Variants in GTF3C1 observed in about 807,000 individuals in gnomAD.
GTF3C1 encodes general transcription factor IIIC subunit 1.
In GTF3C1, 57 loss-of-function variants were observed where a neutral mutation model predicts 226.7. That is an observed-to-expected ratio of 0.25 (90% CI 0.20 to 0.31). The LOEUF (loss-of-function observed/expected upper bound fraction) is 0.31. Among genes scored for constraint, GTF3C1 ranks in the 10% least tolerant of loss-of-function variants. The pLI is 1.00. For synonymous variants in GTF3C1, 1,090 were observed against 1,084.8 expected, an observed-to-expected ratio of 1.00 and a Z score of -0.09; for missense variants, 2,217 against 2,776.1, an observed-to-expected ratio of 0.80 and a Z score of 4.53.
chr16:27,507,181 C>T lies in GTF3C1; in HGVS notation c.1243-25G>A. On this transcript the variant is annotated intron_variant, in intron 8 of 36. Transcript: ENST00000356183. The surrounding 1 kb of genome is among the most constrained non-coding windows in gnomAD (Gnocchi z 4.9). ...CCTAGAGGGAATAAGATGTGTTTAT[C>T]CCACTGCAAAGAGGGCGTCATACCC... is the stretch of plus-strand genomic sequence containing the variant. The T allele has an allele frequency of 6.4e-7, 1 of 1,551,330 alleles. No individual in the cohort carries two copies. The highest frequency in any genetic ancestry group is 1.8e-5 in the Admixed American group (1 of 56,292).
chr16:27,470,402 A>G lies in GTF3C1; in HGVS notation c.4527-7T>C. 3 of 1,611,202 alleles carry G rather than the reference A, an allele frequency of 1.9e-6. No homozygotes were observed. Among genetic ancestry groups the G allele is most frequent in the Non-Finnish European group, 2.5e-6 (3 of 1,178,346 alleles). ...AAATCGCCACGTAAAAATCCTACAG[A>G]CAAAAAGAAAGGAAGGGCCTGACTG... On this transcript the variant is annotated splice_region_variant and splice_polypyrimidine_tract_variant and intron_variant, in intron 30 of 36. Coordinates refer to ENST00000356183, the MANE Select transcript of GTF3C1 (RefSeq NM_001520.4). The surrounding 1 kb of genome is among the most constrained non-coding windows in gnomAD (Gnocchi z 4.9).
In GTF3C1 at chr16:27,478,547, A is replaced by G. The variant is rs2087989336; in HGVS notation, c.4197-16T>C. 2 of 1,594,016 alleles carry G rather than the reference A, an allele frequency of 1.3e-6. No homozygotes were observed. The highest frequency in any genetic ancestry group is 1.7e-6 in the Non-Finnish European group (2 of 1,161,544). On this transcript the variant is annotated splice_polypyrimidine_tract_variant and intron_variant, in intron 27 of 36. Transcript: ENST00000356183. ...AACTCGGTACCTGCAAAAGAAACATAACAGCATGTCAGTGAAACAAAACAG... is the reference window on the plus strand; with the variant it reads ...AACTCGGTACCTGCAAAAGAAACATGACAGCATGTCAGTGAAACAAAACAG...
chr16:27,470,674 C>G lies in GTF3C1; in HGVS notation c.4527-279G>C, dbSNP rs2087854411. 2.3e-6 allele frequency: 1 copy of G among 442,356 alleles called. No homozygotes were observed. The highest frequency in any genetic ancestry group is 2.4e-5 in the South Asian group (1 of 42,074). The allele number at this position is 442,356 out of a possible 1,614,324, so 27.4% of individuals were successfully genotyped here. On this transcript the variant is annotated intron_variant, in intron 30 of 36. Transcript: ENST00000356183. This position sits in a 1 kb window ranked among gnomAD's most constrained non-coding sequence, Gnocchi z 4.9. ...ACCTGGCGCTCCAGGAGGGCGCTGGCAGGCTCACCTTACAGGGGCTCACTG... is the reference window on the plus strand; with the variant it reads ...ACCTGGCGCTCCAGGAGGGCGCTGGGAGGCTCACCTTACAGGGGCTCACTG...
In GTF3C1 at chr16:27,470,113, G is replaced by A; in HGVS notation, c.4809C>T (p.Ile1603=). 3.1e-6 allele frequency: 5 copies of A among 1,612,142 alleles called. No homozygotes were observed. Among genetic ancestry groups the A allele is most frequent in the Non-Finnish European group, 4.2e-6 (5 of 1,178,686 alleles). Residue 1603 remains isoleucine (I), a synonymous_variant, in exon 31 of 37, where the codon ATC becomes ATT. Coordinates refer to ENST00000356183, the MANE Select transcript of GTF3C1 (RefSeq NM_001520.4). This position sits in a 1 kb window ranked among gnomAD's most constrained non-coding sequence, Gnocchi z 4.9. Reference sequence around the variant, plus strand: ...TGCGGATGCCGGACTCTTACCTTTTGATGACCTCATTCTCCACCATTGAGC... The same window carrying A: ...TGCGGATGCCGGACTCTTACCTTTTAATGACCTCATTCTCCACCATTGAGC... ...VDSSMVENEV[I]KSLGKDGSLE... is the part of the protein sequence containing the mutation.
intron 13 of GTF3C1, 23 bp from the exon 14 acceptor site, chr16:27,497,844 A>G: frequency 6.3e-7 from 1 of 1,583,550 alleles, no homozygotes; most frequent in Non-Finnish European, 8.6e-7. Context: ...TAAACATGCA[A>G]TAATGTACTG....
rs1422990845 is a variant in GTF3C1, at chr16:27,463,074, TGGG to T, written c.5924+464_5924+466del. On this transcript the variant is annotated intron_variant, in intron 35 of 36. Transcript: ENST00000356183. This position sits in a 1 kb window ranked among gnomAD's most constrained non-coding sequence, Gnocchi z 4.9. The stretch of plus-strand genomic sequence containing the variant: ...ACAGGGCACTTGGGCCCTGCCAATC[TGGG>T]GTCAGCACACACACTCATGGGAGGC... 5.7e-6 allele frequency: 1 copy of T among 175,060 alleles called. No individual in the cohort carries two copies. Among genetic ancestry groups the T allele is most frequent in the Non-Finnish European group, 1.2e-5 (1 of 83,516 alleles). 10.8% of individuals were successfully genotyped at this position (175,060 alleles called of 1,614,324 possible). A position where few individuals can be genotyped will look rare whatever the true frequency, so the allele number is the denominator to read the frequency against.
chr16:27,508,455 G>A (rs2141405751), intron 8 of GTF3C1, 85 bp downstream of exon 8: 3 of 1,054,872 alleles, frequency 2.8e-6, no homozygotes, highest in East Asian at 4.8e-5. Flanking sequence ...AGGCCATCGA[G>A]TCTTCTGACT....
Position 27,525,635 on chromosome 16 carries a change from C to T in GTF3C1, c.973+2963G>A, listed in dbSNP as rs1036791494. On this transcript the variant is annotated intron_variant, in intron 6 of 36. Coordinates refer to ENST00000356183, the MANE Select transcript of GTF3C1 (RefSeq NM_001520.4). ...TCCCTAGATGGGCAGTTCACAGTCTCTTGACAAATACGCCTGCCTACCTTC... is the reference window on the plus strand; with the variant it reads ...TCCCTAGATGGGCAGTTCACAGTCTTTTGACAAATACGCCTGCCTACCTTC... Among the ~76,000 whole-genome samples, 5 of 152,318 alleles carry T rather than the reference C, an allele frequency of 3.3e-5. 1 individual carries two copies. In the East Asian group the frequency reaches 7.7e-4, roughly 24 times the overall value.
chr16:27,470,469 C>A lies in GTF3C1; in HGVS notation c.4527-74G>T. ...AGCCTTCATTTGGATGGACTATGAG[C>A]ACGTCAAACCATTATGGTGAGAACT... On this transcript the variant is annotated intron_variant, in intron 30 of 36. Coordinates refer to ENST00000356183, the MANE Select transcript of GTF3C1 (RefSeq NM_001520.4). This position sits in a 1 kb window ranked among gnomAD's most constrained non-coding sequence, Gnocchi z 4.9. The A allele has an allele frequency of 8.6e-7, 1 of 1,165,676 alleles. No individual in the cohort carries two copies. The highest frequency in any genetic ancestry group is 1.3e-6 in the Non-Finnish European group (1 of 799,290). The allele number at this position is 1,165,676 out of a possible 1,614,324, so 72.2% of individuals were successfully genotyped here.
In GTF3C1 at chr16:27,507,167, T is replaced by C; in HGVS notation, c.1243-11A>G. 6.3e-7 allele frequency: 1 copy of C among 1,586,904 alleles called. No homozygotes were observed. Among genetic ancestry groups the C allele is most frequent in the South Asian group, 1.1e-5 (1 of 89,214 alleles). On this transcript the variant is annotated splice_polypyrimidine_tract_variant and intron_variant, in intron 8 of 36. Coordinates refer to ENST00000356183, the MANE Select transcript of GTF3C1 (RefSeq NM_001520.4). This position sits in a 1 kb window ranked among gnomAD's most constrained non-coding sequence, Gnocchi z 4.9. The stretch of plus-strand genomic sequence containing the variant: ...GTCTTCCATGAATCCCTAGAGGGAA[T>C]AAGATGTGTTTATCCCACTGCAAAG...
intron 6 of GTF3C1, among the ~76,000 whole-genome samples, chr16:27,514,687 T>G (rs1693343117): frequency 6.6e-6 from 1 of 152,214 alleles, no homozygotes; most frequent in South Asian, 2.1e-4. Flanking sequence ...CCCTATGAAC[T>G]GACCCTCACC....
Position 27,463,646 on chromosome 16 carries a change from C to G in GTF3C1, c.5873-54G>C, listed in dbSNP as rs2087738153. On this transcript the variant is annotated intron_variant, in intron 34 of 36. Transcript: ENST00000356183. The surrounding 1 kb of genome is among the most constrained non-coding windows in gnomAD (Gnocchi z 4.9). ...ACTCGGAAAGTCAGGGAAGCCATCTCTGCCCTCCAACCTTCAGCATGGTAC... is the reference window on the plus strand; with the variant it reads ...ACTCGGAAAGTCAGGGAAGCCATCTGTGCCCTCCAACCTTCAGCATGGTAC... 1 of 1,011,130 alleles carries G rather than the reference C, an allele frequency of 9.9e-7. No homozygotes were observed. Among genetic ancestry groups the G allele is most frequent in the African/African-American group, 1.6e-5 (1 of 63,788 alleles). The allele number at this position is 1,011,130 out of a possible 1,614,324, so 62.6% of individuals were successfully genotyped here.
chr16:27,464,961 G>A (rs569776788), intron 33 of GTF3C1, 125 bp from the exon 34 acceptor site: 8 of 802,568 alleles, frequency 1.0e-5, no homozygotes, highest in South Asian at 5.6e-5. Flanking sequence ...CCAGGCCCAC[G>A]AGGCAGGCCT....
intron 1 of GTF3C1, among the ~76,000 whole-genome samples, chr16:27,547,867 C>T (rs896327702): frequency 1.3e-5 from 2 of 151,982 alleles, no homozygotes; most frequent in East Asian, 1.9e-4. Flanking sequence ...TCAAGTTATC[C>T]GCCCACCTCT....
intron 26 of GTF3C1, 90 bp from the exon 27 acceptor site, chr16:27,481,281 C>T: frequency 4.5e-6 from 5 of 1,099,232 alleles, no homozygotes; most frequent in Non-Finnish European, 6.9e-6. Context: ...TTGTAACAAA[C>T]TCCTGCACCA....
chr16:27,462,714 G>T lies in GTF3C1; in HGVS notation c.5925-228C>A, dbSNP rs1438392233. On this transcript the variant is annotated intron_variant, in intron 35 of 36. Coordinates refer to ENST00000356183, the MANE Select transcript of GTF3C1 (RefSeq NM_001520.4). The surrounding 1 kb of genome is among the most constrained non-coding windows in gnomAD (Gnocchi z 4.5). ...AGGACGTGGTGTCCGCTCTGATGTA[G>T]CTGTAACTGAGGCCTCAGTGGGCCC... is the stretch of plus-strand genomic sequence containing the variant. 3.8e-6 allele frequency: 2 copies of T among 520,756 alleles called. No individual in the cohort carries two copies. Among genetic ancestry groups the T allele is most frequent in the Non-Finnish European group, 6.9e-6 (2 of 288,916 alleles). The allele number at this position is 520,756 out of a possible 1,614,324, so 32.3% of individuals were successfully genotyped here. A position where few individuals can be genotyped will look rare whatever the true frequency, so the allele number is the denominator to read the frequency against.
rs1336630780 is a variant in GTF3C1 at position 27,549,881 on chromosome 16, G to C, written c.10C>G (p.Leu4Val). The change falls in exon 1 of 37, where the codon CTG (leucine) becomes GTG (valine). Residue 4 changes from leucine to valine, a missense_variant. Physicochemically the swap from Leu to Val is conservative, Grantham distance 32 (BLOSUM62 1). This residue lies in a region of GTF3C1 where 192 missense variants were observed against 251.8 expected (regional missense o/e 0.76). Coordinates refer to ENST00000356183, the MANE Select transcript of GTF3C1 (RefSeq NM_001520.4). ...GCGACTTCGTCCAACAACGACTCCA[G>C]CGCGTCCATTGCTACTTCAGTCGGC... The part of the protein sequence containing the change: MDA[L>V]ESLLDEVALE... 1.9e-6 allele frequency: 3 copies of C among 1,611,416 alleles called. No homozygotes were observed. The highest frequency in any genetic ancestry group is 2.5e-6 in the Non-Finnish European group (3 of 1,178,444).
intron 14 of GTF3C1, among the ~76,000 whole-genome samples, chr16:27,495,977 C>T (rs1417568158): frequency 6.6e-6 from 1 of 152,208 alleles, no homozygotes; most frequent in Non-Finnish European, 1.5e-5. Context: ...TTGGATGCCC[C>T]TCCACATCTC....
At chr16:27,529,365 T>A (rs2088881173) in intron 5 of GTF3C1, among the ~76,000 whole-genome samples, 1 of 149,828 alleles carries the variant, frequency 6.7e-6, no homozygotes. Flanking sequence ...CTGCTTGAAC[T>A]GGGAGGCAGA....
Sources: gnomAD v4.1 joint callset for allele counts (sites outside exome capture counted in the v4.1 genomes callset) on GRCh38, gnomAD v4.1.1 for gene constraint, gnomAD v4.1.1 regional missense constraint, Gnocchi (gnomAD v3.1) non-coding constraint, MANE v1.5 for transcripts, NCBI Gene and HGNC (gene_info 2026-07-23, HGNC 2026-07-21) for gene names.